The following SAMMSON variants were observed in gnomAD, a reference collection of about 807,000 sequenced individuals.
SAMMSON encodes the protein survival associated mitochondrial melanoma specific oncogenic non-coding RNA.
At chr3:70,048,963 T>C (rs1007894166) in intron 3 of SAMMSON, among the ~76,000 whole-genome samples, 7 of 152,066 alleles carry the variant, frequency 4.6e-5, no homozygotes, top group Admixed American at 6.6e-5. Flanking sequence ...ATGAGGCAAA[T>C]TGCATGGTGT....
intron 6 of SAMMSON, among the ~76,000 whole-genome samples, chr3:70,263,495 G>A (rs1176770263): frequency 1.3e-5 from 2 of 152,120 alleles, no homozygotes; most frequent in Non-Finnish European, 2.9e-5. Context: ...CTCTTGGGCT[G>A]TTGGGAATTC....
At chr3:70,244,233 T>G (rs1316773322) in intron 4 of SAMMSON, among the ~76,000 whole-genome samples, 1 of 152,188 alleles carries the variant, frequency 6.6e-6, no homozygotes, top group Non-Finnish European at 1.5e-5. Context: ...TGCACTCCAG[T>G]AAGGAACTAA....
intron 4 of SAMMSON, among the ~76,000 whole-genome samples, chr3:70,153,179 A>G (rs1334322091): frequency 1.3e-5 from 2 of 151,944 alleles, no homozygotes; most frequent in African/African-American, 4.8e-5. Context: ...TGGGATGTCA[A>G]TGAAGTGTTT....
chr3:70,432,668 A>G (rs1701423867), intron 2 of SAMMSON, among the ~76,000 whole-genome samples: 1 of 152,034 alleles, frequency 6.6e-6, no homozygotes, highest in Non-Finnish European at 1.5e-5. Context: ...TTATTGTTAA[A>G]TAAAGTTCAT....
intron 2 of SAMMSON, among the ~76,000 whole-genome samples, chr3:70,410,585 C>A (rs770750503): frequency 5.3e-5 from 8 of 152,094 alleles, no homozygotes; most frequent in Non-Finnish European, 7.4e-5. Context: ...AAATATATTT[C>A]TTTACTGCAA....
At chr3:70,223,512 G>A (rs769962782) in intron 4 of SAMMSON, among the ~76,000 whole-genome samples, 2 of 152,058 alleles carry the variant, frequency 1.3e-5, no homozygotes, top group Non-Finnish European at 2.9e-5. Flanking sequence ...AGATTTCAAG[G>A]AAACTAGCGC....
intron 9 of SAMMSON, among the ~76,000 whole-genome samples, chr3:70,377,339 G>A (rs1703026009): frequency 6.6e-6 from 1 of 152,234 alleles, no homozygotes; most frequent in East Asian, 1.9e-4. Context: ...AAATGTAACT[G>A]TGTATACTTA....
At chr3:70,413,735 A>T (rs1177545519) in intron 2 of SAMMSON, among the ~76,000 whole-genome samples, 2 of 152,100 alleles carry the variant, frequency 1.3e-5, no homozygotes, top group Non-Finnish European at 2.9e-5. Context: ...AGCATGTCAA[A>T]AAAGGGCACT....
chr3:70,420,955 C>T (rs918519974), intron 2 of SAMMSON, among the ~76,000 whole-genome samples: 7 of 151,200 alleles, frequency 4.6e-5, no homozygotes, highest in African/African-American at 1.7e-4. Flanking sequence ...TTTTTTTATT[C>T]TGTGCATGCC....
At position 70,009,441 on chromosome 3, in the gene SAMMSON, G is replaced by C. The variant is rs150644498; in HGVS notation, n.23-2916G>C. ...GTTTATTTGCGTAGAGGTGTTTATA[G>C]TATTTTATGGTAGTTTGTATTTCTG... On this transcript the variant is annotated intron_variant and non_coding_transcript_variant, in intron 1 of 9. Coordinates refer to ENST00000642114, the Ensembl canonical transcript of SAMMSON. 2.3e-3 allele frequency among the ~76,000 whole-genome samples: 353 copies of C among 152,112 alleles called. 1 individual carries two copies. The highest frequency in any genetic ancestry group is 8.0e-3 in the African/African-American group (334 of 41,524).
chr3:70,144,303 A>G (rs568386449), intron 4 of SAMMSON, among the ~76,000 whole-genome samples: 2 of 152,176 alleles, frequency 1.3e-5, no homozygotes, highest in African/African-American at 4.8e-5. Context: ...CTGAACTGCT[A>G]TATATAAAAT....
intron 7 of SAMMSON, among the ~76,000 whole-genome samples, chr3:70,323,132 C>T (rs1216604296): frequency 6.6e-6 from 1 of 152,070 alleles, no homozygotes; most frequent in Non-Finnish European, 1.5e-5. Context: ...AGCTCTTTCT[C>T]TTGAATTGTG....
intron 2 of SAMMSON, among the ~76,000 whole-genome samples, chr3:70,415,902 AT>A: frequency 6.6e-6 from 1 of 152,130 alleles, no homozygotes; most frequent in Admixed American, 6.6e-5. Flanking sequence ...TACATTTCAC[AT>A]TTTTTTGCTG....
intron 3 of SAMMSON, among the ~76,000 whole-genome samples, chr3:70,060,006 G>T (rs1232177946): frequency 6.6e-6 from 1 of 152,082 alleles, no homozygotes. Context: ...ATGAAGTGCT[G>T]TAGAATGTAT....
chr3:69,999,590 C>T (rs2066897119), upstream of SAMMSON: 1 of 151,928 alleles, frequency 6.6e-6, no homozygotes, highest in Admixed American at 6.6e-5. Context: ...GAAGGCGGGT[C>T]CCTGGCTCGG....
intron 1 of SAMMSON, among the ~76,000 whole-genome samples, chr3:70,010,518 G>A (rs1287567806): frequency 6.6e-6 from 1 of 152,064 alleles, no homozygotes; most frequent in African/African-American, 2.4e-5. Context: ...GCACCAAGGG[G>A]AAGATGGATG....
chr3:70,331,676 A>G, intron 7 of SAMMSON, among the ~76,000 whole-genome samples: 1 of 152,256 alleles, frequency 6.6e-6, no homozygotes, highest in East Asian at 1.9e-4. Flanking sequence ...GCATGTTTAC[A>G]TAAATGATAG....
intron 9 of SAMMSON, among the ~76,000 whole-genome samples, chr3:70,383,010 G>A (rs1239986047): frequency 6.6e-6 from 1 of 152,032 alleles, no homozygotes; most frequent in Non-Finnish European, 1.5e-5. Flanking sequence ...GTTTCTTCCT[G>A]TCTTTTCTTA....
intron 6 of SAMMSON, among the ~76,000 whole-genome samples, chr3:70,290,645 G>T (rs1702226986): frequency 6.6e-6 from 1 of 152,188 alleles, no homozygotes; most frequent in Non-Finnish European, 1.5e-5. Context: ...AATGGCGGGC[G>T]CCCCTCCCCT....
Sources: allele counts gnomAD v4.1 joint callset (sites outside exome capture counted in the v4.1 genomes callset), GRCh38; gene constraint gnomAD v4.1.1; transcripts MANE v1.5; gene names NCBI Gene and HGNC (gene_info 2026-07-23, HGNC 2026-07-21).